Variants in UEVLD observed in about 807,000 individuals in gnomAD.
UEVLD encodes UEV and lactate/malate dehyrogenase domains.
Under a neutral mutation model 58.6 loss-of-function variants are expected in UEVLD, and 47 were observed. The observed-to-expected ratio is 0.80, with a 90% CI of 0.63 to 1.02. The LOEUF (loss-of-function observed/expected upper bound fraction) is 1.02. UEVLD is among the 50% of genes least tolerant of loss of function. The probability of loss-of-function intolerance (pLI) is 0.00; values close to 1 mark genes in which losing one functional copy is unlikely to be tolerated. For missense variants in UEVLD, 510 were observed against 550.6 expected, an observed-to-expected ratio of 0.93 and a Z score of 0.74; for synonymous variants, 197 against 195.3, an observed-to-expected ratio of 1.01 and a Z score of -0.07.
chr11:18,572,804 CAA>C (rs11394988), intron 3 of UEVLD, among the ~76,000 whole-genome samples: 16 of 103,038 alleles, frequency 1.6e-4, no homozygotes, highest in Admixed American at 2.0e-4. Flanking sequence ...AACTCCATCT[CAA>C]AAAAAAAAAA....
intron 2 of UEVLD, among the ~76,000 whole-genome samples, chr11:18,576,986 C>T (rs1157915797): frequency 6.6e-6 from 1 of 152,162 alleles, no homozygotes; most frequent in Non-Finnish European, 1.5e-5. Context: ...AGTTCAAGAC[C>T]AGCCTGGCCA....
intron 6 of UEVLD, among the ~76,000 whole-genome samples, chr11:18,560,778 A>C (rs897358012): frequency 1.1e-4 from 16 of 152,164 alleles, no homozygotes; most frequent in African/African-American, 3.9e-4. Context: ...TGGGAAACCA[A>C]GGCAGGTTGG....
chr11:18,570,180 A>G, intron 4 of UEVLD, 34 bp downstream of exon 4: 1 of 1,569,212 alleles, frequency 6.4e-7, no homozygotes, highest in South Asian at 1.2e-5. Context: ...AAAAAAAAAA[A>G]AAGCTTTCTG....
chr11:18,532,572 A>G, intron 11 of UEVLD, 85 bp from the exon 12 acceptor site: 4 of 1,185,244 alleles, frequency 3.4e-6, no homozygotes, highest in Non-Finnish European at 4.5e-6. Context: ...TGCTTTCTTA[A>G]CTAGGACAAA....
rs1264520754 is a variant in UEVLD, at chr11:18,530,649, CAA to C, written c.*1669_*1670del. 1.3e-5 allele frequency: 2 copies of C among 152,068 alleles called. No individual in the cohort carries two copies. The highest frequency in any genetic ancestry group is 4.8e-5 in the African/African-American group (2 of 41,318). 9.4% of individuals were successfully genotyped at this position (152,068 alleles called of 1,614,324 possible). On this transcript the variant is annotated 3_prime_UTR_variant, in exon 12 of 12. Transcript: ENST00000396197. ...CATTGCAATCTTGAACTTCTGGGCT[CAA>C]GTGATCCTCCTGCCTCACCCTCCTG...
chr11:18,572,873 T>C (rs1852700826), intron 3 of UEVLD, among the ~76,000 whole-genome samples: 1 of 151,696 alleles, frequency 6.6e-6, no homozygotes, highest in African/African-American at 2.4e-5. Flanking sequence ...GCACACACTA[T>C]ATGCCAGGCA....
intron 1 of UEVLD, among the ~76,000 whole-genome samples, chr11:18,585,051 TTTAA>T (rs1259147375): frequency 6.6e-6 from 1 of 152,342 alleles, no homozygotes; most frequent in African/African-American, 2.4e-5. Context: ...CTTCACTTTC[TTTAA>T]TTTTCTTTTT....
chr11:18,563,195 C>G (rs1243170633), intron 6 of UEVLD, among the ~76,000 whole-genome samples: 1 of 152,026 alleles, frequency 6.6e-6, no homozygotes, highest in Non-Finnish European at 1.5e-5. Flanking sequence ...TTATTAGCAG[C>G]ATAAATTAGT....
At chr11:18,545,358 A>G (rs545843005) in intron 8 of UEVLD, among the ~76,000 whole-genome samples, 19 of 151,958 alleles carry the variant, frequency 1.3e-4, no homozygotes, top group African/African-American at 3.9e-4. Flanking sequence ...GGTGTGAGCC[A>G]CCGCGCCCAG....
chr11:18,560,308 A>G (rs369678733), intron 6 of UEVLD, among the ~76,000 whole-genome samples: 3 of 152,100 alleles, frequency 2.0e-5, no homozygotes, highest in African/African-American at 7.2e-5. Flanking sequence ...TGCTAACCAT[A>G]CCCATAAGGA....
At chr11:18,583,384 CT>C (rs1179975373) in intron 1 of UEVLD, among the ~76,000 whole-genome samples, 2 of 151,400 alleles carry the variant, frequency 1.3e-5, no homozygotes, top group Non-Finnish European at 2.9e-5. Flanking sequence ...CCATGTCTGG[CT>C]TTTTTGTGTT....
intron 9 of UEVLD, among the ~76,000 whole-genome samples, chr11:18,538,560 G>A (rs989851666): frequency 2.0e-5 from 3 of 151,200 alleles, no homozygotes; most frequent in South Asian, 2.1e-4. Flanking sequence ...TGATCCACCC[G>A]CCTTGGCCTC....
At position 18,585,103 on chromosome 11, in the gene UEVLD, C is replaced by T. The variant is rs192627921; in HGVS notation, c.42+3510G>A. Among the ~76,000 whole-genome samples the T allele has an allele frequency of 1.7e-3, 259 of 152,142 alleles. 1 individual carries two copies. The highest frequency in any genetic ancestry group is 4.5e-3 in the Admixed American group (68 of 15,280). On this transcript the variant is annotated intron_variant, in intron 1 of 11. Transcript: ENST00000396197. ...ATAGGGTCTTGCCATATTGTTCAGG[C>T]TTGTCTCAAACTCCTGGACTCAACA...
intron 5 of UEVLD, 98 bp downstream of exon 5, chr11:18,566,249 A>C (rs1852290749): frequency 6.5e-7 from 1 of 1,538,024 alleles, no homozygotes; most frequent in Non-Finnish European, 8.8e-7. Context: ...ACGCACACAA[A>C]TTTATTTATA....
chr11:18,569,410 T>C (rs1852475857), intron 4 of UEVLD, among the ~76,000 whole-genome samples: 2 of 152,228 alleles, frequency 1.3e-5, no homozygotes, highest in African/African-American at 2.4e-5. Flanking sequence ...GTGTACCCTT[T>C]TGGAGGCCAA....
chr11:18,567,283 A>C (rs1852346300), intron 4 of UEVLD, among the ~76,000 whole-genome samples: 1 of 152,238 alleles, frequency 6.6e-6, no homozygotes, highest in Admixed American at 6.5e-5. Flanking sequence ...TACAAAGTGA[A>C]TAATAAATCC....
chr11:18,533,503 TA>T (rs1352329808), intron 11 of UEVLD, among the ~76,000 whole-genome samples: 2 of 151,260 alleles, frequency 1.3e-5, no homozygotes, highest in Non-Finnish European at 2.9e-5. Context: ...TATGGATATA[TA>T]AACACTATTT....
At chr11:18,577,468 G>A (rs1388999014) in intron 2 of UEVLD, among the ~76,000 whole-genome samples, 4 of 152,114 alleles carry the variant, frequency 2.6e-5, no homozygotes, top group African/African-American at 4.8e-5. Context: ...GAGAATCAAC[G>A]CCCTAATCTC....
chr11:18,540,669 C>T (rs540408998), intron 9 of UEVLD, among the ~76,000 whole-genome samples: 1 of 152,324 alleles, frequency 6.6e-6, no homozygotes, highest in South Asian at 2.1e-4. Flanking sequence ...TCAAATATTA[C>T]ATAATACTAC....
Sources: allele counts gnomAD v4.1 joint callset (sites outside exome capture counted in the v4.1 genomes callset), GRCh38; gene constraint gnomAD v4.1.1; transcripts MANE v1.5; gene names NCBI Gene and HGNC (gene_info 2026-07-23, HGNC 2026-07-21).